The following ERP44 variants were observed in gnomAD, a reference collection of about 807,000 sequenced individuals.
ERP44 encodes the protein endoplasmic reticulum resident protein 44.
Under a neutral mutation model 53.4 loss-of-function variants are expected in ERP44, and 25 were observed. That is an observed-to-expected ratio of 0.47 (90% CI 0.34 to 0.65). The LOEUF (loss-of-function observed/expected upper bound fraction) is 0.65, where lower values mean the gene tolerates loss of function less well. ERP44 is among the 30% of genes least tolerant of loss of function. ERP44 has a pLI of 0.01. For synonymous variants in ERP44, 145 were observed against 161.2 expected, an observed-to-expected ratio of 0.90 and a Z score of 0.76; for missense variants, 338 against 493.2, an observed-to-expected ratio of 0.69 and a Z score of 2.98.
chr9:99,989,163 G>C (rs948492338), intron 10 of ERP44, among the ~76,000 whole-genome samples: 1 of 152,210 alleles, frequency 6.6e-6, no homozygotes, highest in African/African-American at 2.4e-5. Context: ...GTCCTTGTCT[G>C]ACAGCTCTGA....
rs1830147112 is a variant in ERP44, at chr9:99,981,336, TTTTAA to T, written c.*1271_*1275del. ...ATATCCATTATAAATATTAATTTTA[TTTTAA>T]AAGAATTGGAAGATGTTACATATAT... On this transcript the variant is annotated 3_prime_UTR_variant, in exon 12 of 12. Coordinates refer to ENST00000262455, the MANE Select transcript of ERP44 (RefSeq NM_015051.3). 6.5e-6 allele frequency: 1 copy of T among 152,674 alleles called. No homozygotes were observed. Among genetic ancestry groups the T allele is most frequent in the Non-Finnish European group, 1.5e-5 (1 of 68,044 alleles). The allele number at this position is 152,674 out of a possible 1,614,324, so 9.5% of individuals were successfully genotyped here.
intron 4 of ERP44, among the ~76,000 whole-genome samples, chr9:100,048,582 T>C (rs185495659): frequency 3.3e-5 from 5 of 152,328 alleles, no homozygotes; most frequent in African/African-American, 1.2e-4. Context: ...CTCATGTTCA[T>C]AGCACCATTA....
At chr9:100,096,304 T>A (rs1826627879) in intron 1 of ERP44, among the ~76,000 whole-genome samples, 1 of 152,044 alleles carries the variant, frequency 6.6e-6, no homozygotes. Flanking sequence ...AAACCCTGAA[T>A]AAACCCACCT....
At chr9:100,075,618 G>T (rs968837779) in intron 1 of ERP44, among the ~76,000 whole-genome samples, 1 of 152,200 alleles carries the variant, frequency 6.6e-6, no homozygotes, top group Admixed American at 6.5e-5. Context: ...AAATAAATCT[G>T]ACTTAAATTT....
chr9:99,999,083 G>GGCC, intron 10 of ERP44: 1 of 699,056 alleles, frequency 1.4e-6, no homozygotes, highest in Non-Finnish European at 2.6e-6. Flanking sequence ...GGGAGCGCAC[G>GGCC]GCCGTTCCCA....
chr9:100,071,078 C>A (rs1253527741), intron 1 of ERP44, among the ~76,000 whole-genome samples: 1 of 148,578 alleles, frequency 6.7e-6, no homozygotes, highest in Admixed American at 6.8e-5. Flanking sequence ...TGTAGTATCT[C>A]CTAAATTATA....
At chr9:100,006,141 C>A (rs545212413) in intron 10 of ERP44, among the ~76,000 whole-genome samples, 51 of 152,292 alleles carry the variant, frequency 3.3e-4, no homozygotes, top group African/African-American at 1.1e-3. Flanking sequence ...TTACCCTGGC[C>A]TAAGGTTATA....
At chr9:99,986,513 A>G (rs1191609463) in intron 10 of ERP44, among the ~76,000 whole-genome samples, 1 of 152,230 alleles carries the variant, frequency 6.6e-6, no homozygotes, top group Non-Finnish European at 1.5e-5. Flanking sequence ...TTCCTTGGGT[A>G]GAATTGATTG....
At chr9:99,983,551 CAA>C (rs59132233) in intron 11 of ERP44, among the ~76,000 whole-genome samples, 123 of 66,968 alleles carry the variant, frequency 1.8e-3, no homozygotes, top group Non-Finnish European at 2.2e-3. Context: ...GACTCCGTCT[CAA>C]AAAAAAAAAA....
intron 10 of ERP44, among the ~76,000 whole-genome samples, chr9:100,004,832 A>G (rs889337692): frequency 6.6e-6 from 1 of 152,174 alleles, no homozygotes; most frequent in African/African-American, 2.4e-5. Context: ...ACGAACATGG[A>G]AAGTCCTTTT....
chr9:99,999,907 C>G (rs562358121), intron 10 of ERP44, among the ~76,000 whole-genome samples: 25 of 152,074 alleles, frequency 1.6e-4, no homozygotes, highest in Non-Finnish European at 2.6e-4. Context: ...TATCCAGTTT[C>G]CCCCCGCTTT....
chr9:100,081,290 T>C (rs1826420002), intron 1 of ERP44, among the ~76,000 whole-genome samples: 1 of 152,096 alleles, frequency 6.6e-6, no homozygotes, highest in Non-Finnish European at 1.5e-5. Context: ...CTTTAGTTAC[T>C]AAACAAAGTG....
intron 1 of ERP44, among the ~76,000 whole-genome samples, chr9:100,068,737 T>C (rs1446780791): frequency 6.8e-6 from 1 of 146,566 alleles, no homozygotes; most frequent in Non-Finnish European, 1.5e-5. Context: ...CGGCCGCCCC[T>C]ACTGGGAAGT....
At chr9:100,001,194 T>C (rs1454613848) in intron 10 of ERP44, among the ~76,000 whole-genome samples, 4 of 152,236 alleles carry the variant, frequency 2.6e-5, no homozygotes, top group Non-Finnish European at 4.4e-5. Context: ...CATACCATTG[T>C]GGTCAGAAAA....
At chr9:99,992,740 G>A (rs1161095219) in intron 10 of ERP44, among the ~76,000 whole-genome samples, 1 of 152,200 alleles carries the variant, frequency 6.6e-6, no homozygotes, top group East Asian at 1.9e-4. Flanking sequence ...CCTGTTTACA[G>A]ATGACATGAT....
At chr9:100,013,392 A>AATT (rs1830495800) in intron 8 of ERP44, among the ~76,000 whole-genome samples, 1 of 151,926 alleles carries the variant, frequency 6.6e-6, no homozygotes, top group Non-Finnish European at 1.5e-5. Context: ...TAATAATAAT[A>AATT]ATAAAACACT....
chr9:100,034,364 T>G (rs1458638503), intron 4 of ERP44, among the ~76,000 whole-genome samples: 4 of 152,170 alleles, frequency 2.6e-5, no homozygotes, highest in Non-Finnish European at 5.9e-5. Flanking sequence ...GAAGTTACCT[T>G]ACATGATCTA....
At position 100,057,591 on chromosome 9, in the gene ERP44, A is replaced by G. The variant is rs151144114; in HGVS notation, c.170+229T>C. 3.3e-3 allele frequency among the ~76,000 whole-genome samples: 509 copies of G among 152,354 alleles called. 1 individual carries two copies. Among genetic ancestry groups the G allele is most frequent in the Middle Eastern group, 0.017 (5 of 294 alleles). On this transcript the variant is annotated intron_variant, in intron 3 of 11. Transcript: ENST00000262455. The stretch of plus-strand genomic sequence containing the variant: ...GGGTGGAGAGAGTCATATTTGAGTT[A>G]TATGTTACTTGTTTTAAGATATAAG...
chr9:100,034,892 A>G (rs1189286957), intron 4 of ERP44, among the ~76,000 whole-genome samples: 1 of 152,186 alleles, frequency 6.6e-6, no homozygotes, highest in Admixed American at 6.5e-5. Flanking sequence ...GAATAAAGGA[A>G]CAGAATAGAG....
Sources: allele counts gnomAD v4.1 joint callset (sites outside exome capture counted in the v4.1 genomes callset), GRCh38; gene constraint gnomAD v4.1.1; transcripts MANE v1.5; gene names NCBI Gene and HGNC (gene_info 2026-07-23, HGNC 2026-07-21).